CDYL2: variants seen among roughly 807,000 people sequenced by gnomAD.
CDYL2 encodes the protein chromodomain Y-like protein 2.
A neutral mutation model predicts 49.4 loss-of-function variants in CDYL2; 23 were observed. The observed-to-expected ratio is 0.47, with a 90% CI of 0.34 to 0.66. The LOEUF (loss-of-function observed/expected upper bound fraction) is 0.66. Ranked by LOEUF, CDYL2 falls within the 30% of genes least tolerant of loss-of-function variation. CDYL2 has a pLI of 0.01. For synonymous variants in CDYL2, 360 were observed against 268.8 expected (o/e 1.34, Z -3.32); for missense variants, 678 against 656.4 (o/e 1.03, Z -0.36).
chr16:80,650,688 G>C (rs1908545456), intron 2 of CDYL2, among the ~76,000 whole-genome samples: 1 of 152,136 alleles, frequency 6.6e-6, no homozygotes, highest in East Asian at 1.9e-4. Flanking sequence ...TTGTAGCACT[G>C]TTCATAATGG....
chr16:80,799,758 G>C (rs916997175), intron 1 of CDYL2, among the ~76,000 whole-genome samples: 4 of 152,186 alleles, frequency 2.6e-5, no homozygotes, highest in African/African-American at 9.7e-5. Context: ...TGCCTGCCCA[G>C]AGGGAATAAT....
At chr16:80,775,595 T>C (rs1188442943) in intron 1 of CDYL2, among the ~76,000 whole-genome samples, 2 of 151,136 alleles carry the variant, frequency 1.3e-5, no homozygotes, top group South Asian at 2.1e-4. Context: ...AAAAAAGAAA[T>C]AGCACAAATA....
chr16:80,761,158 G>T (rs1429483351), intron 1 of CDYL2, among the ~76,000 whole-genome samples: 2 of 152,124 alleles, frequency 1.3e-5, no homozygotes, highest in Admixed American at 6.5e-5. Context: ...GCCCCACCAG[G>T]GACCTACTGA....
intron 1 of CDYL2, among the ~76,000 whole-genome samples, chr16:80,798,694 T>C (rs1240339974): frequency 2.0e-5 from 3 of 152,202 alleles, no homozygotes; most frequent in Non-Finnish European, 4.4e-5. Context: ...AAAAGTTATA[T>C]GTGAATTTTC....
intron 1 of CDYL2, among the ~76,000 whole-genome samples, chr16:80,796,794 A>G (rs1380623447): frequency 6.6e-6 from 1 of 152,152 alleles, no homozygotes; most frequent in Non-Finnish European, 1.5e-5. Flanking sequence ...TGCCCATACA[A>G]GATGTCTCTA....
At chr16:80,669,114 T>C (rs1048551829) in intron 2 of CDYL2, among the ~76,000 whole-genome samples, 1 of 151,692 alleles carries the variant, frequency 6.6e-6, no homozygotes, top group Non-Finnish European at 1.5e-5. Flanking sequence ...TTGAAACCAC[T>C]CTAAAATGGC....
chr16:80,789,165 CT>C (rs1160920336), intron 1 of CDYL2, among the ~76,000 whole-genome samples: 3 of 152,092 alleles, frequency 2.0e-5, no homozygotes, highest in Non-Finnish European at 4.4e-5. Context: ...CACTCATACA[CT>C]ATTGCTGGGA....
At chr16:80,631,557 T>C (rs28637533) in intron 3 of CDYL2, among the ~76,000 whole-genome samples, 8,488 of 152,268 alleles carry the variant, frequency 0.056, 721 homozygotes, top group African/African-American at 0.18. Context: ...AAACAGACTT[T>C]ATCAAAATTT....
chr16:80,733,629 G>T (rs8044056), intron 1 of CDYL2, among the ~76,000 whole-genome samples: 127,807 of 152,106 alleles, frequency 0.84, 55,434 homozygotes, highest in South Asian at 0.95. Flanking sequence ...GTGCCTCTTC[G>T]CAAGTGCTTT....
intron 3 of CDYL2, chr16:80,628,330 A>C (rs780228092): frequency 6.6e-6 from 1 of 152,258 alleles, no homozygotes; most frequent in East Asian, 1.9e-4. Flanking sequence ...GGTCATCTTC[A>C]GGAGGAGAAT....
intron 1 of CDYL2, among the ~76,000 whole-genome samples, chr16:80,739,794 T>G (rs1206926168): frequency 3.3e-5 from 5 of 152,146 alleles, no homozygotes; most frequent in Non-Finnish European, 7.3e-5. Context: ...TCCCTGCCAA[T>G]CAGGGAAACT....
chr16:80,688,362 T>G (rs1236569612), intron 1 of CDYL2, among the ~76,000 whole-genome samples: 1 of 152,190 alleles, frequency 6.6e-6, no homozygotes, highest in Non-Finnish European at 1.5e-5. Flanking sequence ...TGTATGACCT[T>G]GGGCATGTCA....
At chr16:80,739,708 T>A (rs989867212) in intron 1 of CDYL2, among the ~76,000 whole-genome samples, 1 of 151,910 alleles carries the variant, frequency 6.6e-6, no homozygotes, top group Non-Finnish European at 1.5e-5. Context: ...AGCTCAGAGC[T>A]CAGGTGTGGG....
At chr16:80,614,925 G>C (rs117023263) in intron 4 of CDYL2, among the ~76,000 whole-genome samples, 171 of 150,082 alleles carry the variant, frequency 1.1e-3, no homozygotes, top group Non-Finnish European at 1.9e-3. Context: ...AATCAATACT[G>C]TTCCTTCCCC....
chr16:80,747,387 C>A (rs1048365298), intron 1 of CDYL2, among the ~76,000 whole-genome samples: 2 of 152,200 alleles, frequency 1.3e-5, no homozygotes, highest in African/African-American at 4.8e-5. Flanking sequence ...AATAAAAATA[C>A]CTATACCTCA....
intron 1 of CDYL2, among the ~76,000 whole-genome samples, chr16:80,727,818 G>A: frequency 6.6e-6 from 1 of 152,182 alleles, no homozygotes; most frequent in Non-Finnish European, 1.5e-5. Flanking sequence ...CTAACTGAAA[G>A]GCACCCCCCA....
chr16:80,646,919 T>C (rs1908374473), intron 2 of CDYL2, among the ~76,000 whole-genome samples: 1 of 148,038 alleles, frequency 6.8e-6, no homozygotes, highest in Non-Finnish European at 1.5e-5. Flanking sequence ...GAAAAAGATA[T>C]TCCTTGCCAA....
intron 2 of CDYL2, among the ~76,000 whole-genome samples, chr16:80,683,891 G>A (rs773394952): frequency 6.6e-6 from 1 of 152,218 alleles, no homozygotes. Context: ...AGAATTGTGA[G>A]AAATTAGATT....
Position 80,604,562 on chromosome 16 carries a change from C to G in CDYL2, c.1363-16G>C, listed in dbSNP as rs570872515. The G allele has an allele frequency of 1.3e-5, 21 of 1,614,114 alleles. No individual in the cohort carries two copies. The South Asian group carries it at 2.3e-4, about 18-fold the overall frequency. Reference sequence around the variant, plus strand: ...CCTCTAACACCTAGAGGGAAATAGACAGGCCTGATTAGCCGGGCACCAGGG... The same window carrying G: ...CCTCTAACACCTAGAGGGAAATAGAGAGGCCTGATTAGCCGGGCACCAGGG... On this transcript the variant is annotated splice_polypyrimidine_tract_variant and intron_variant, in intron 6 of 6. Transcript: ENST00000570137.
Sources: gnomAD v4.1 joint callset for allele counts (sites outside exome capture counted in the v4.1 genomes callset) on GRCh38, gnomAD v4.1.1 for gene constraint, MANE v1.5 for transcripts, NCBI Gene and HGNC (gene_info 2026-07-23, HGNC 2026-07-21) for gene names.